NRXN3: variants seen among roughly 807,000 people sequenced by gnomAD.
The protein encoded by NRXN3 is neurexin III.
Under a neutral mutation model 137.6 loss-of-function variants are expected in NRXN3, and 32 were observed. The ratio of observed to expected loss-of-function variants is 0.23; its 90% CI spans 0.18 to 0.31. The LOEUF (loss-of-function observed/expected upper bound fraction) is 0.31. NRXN3 is among the 10% of genes least tolerant of loss of function. The pLI is 1.00. For missense variants in NRXN3, 1,574 were observed against 2,062.5 expected, an observed-to-expected ratio of 0.76 and a Z score of 4.59; for synonymous variants, 798 against 784.5, an observed-to-expected ratio of 1.02 and a Z score of -0.29.
At chr14:79,818,106 T>G (rs1330471739) in intron 20 of NRXN3, among the ~76,000 whole-genome samples, 1 of 133,470 alleles carries the variant, frequency 7.5e-6, no homozygotes, top group East Asian at 2.4e-4. Flanking sequence ...CAGGCTGGAG[T>G]GCAGTGGCGC....
At chr14:78,948,395 G>C (rs1006971145) in intron 10 of NRXN3, among the ~76,000 whole-genome samples, 1 of 152,082 alleles carries the variant, frequency 6.6e-6, no homozygotes, top group Non-Finnish European at 1.5e-5. Context: ...GCTCTTTCTT[G>C]CAGGCAGGGC....
chr14:79,098,459 T>C (rs1381009136), intron 15 of NRXN3, among the ~76,000 whole-genome samples: 2 of 152,186 alleles, frequency 1.3e-5, no homozygotes. Context: ...CATTGGGTAG[T>C]TTCCCAGGAA....
At chr14:79,850,061 C>CA (rs2099388527) in intron 20 of NRXN3, among the ~76,000 whole-genome samples, 1 of 152,178 alleles carries the variant, frequency 6.6e-6, no homozygotes, top group Admixed American at 6.5e-5. Context: ...CCCACAGACA[C>CA]AAAAATCAAA....
In NRXN3 at chr14:78,357,918, C is replaced by T. The variant is rs79136431; in HGVS notation, c.757+60058C>T. Among the ~76,000 whole-genome samples, 1,245 of 152,222 alleles carry T rather than the reference C, an allele frequency of 8.2e-3. 40 individuals are homozygous for T. The East Asian group carries it at 0.084, about 10-fold the overall frequency. On this transcript the variant is annotated intron_variant, in intron 4 of 20. Transcript: ENST00000335750. ...TTGAGTGTGTATGATATGACAGCAT[C>T]CTACATCATCTTCTTCAGTCTTAGA...
chr14:79,598,312 C>A (rs1264383773), intron 16 of NRXN3, among the ~76,000 whole-genome samples: 1 of 152,126 alleles, frequency 6.6e-6, no homozygotes, highest in African/African-American at 2.4e-5. Context: ...TCATGGTTAT[C>A]AGTTTGCTAC....
chr14:78,988,952 T>C (rs932451287), intron 15 of NRXN3, among the ~76,000 whole-genome samples: 2 of 152,210 alleles, frequency 1.3e-5, no homozygotes, highest in African/African-American at 4.8e-5. Flanking sequence ...CTTCTAGCAC[T>C]GATGGTGGAG....
At chr14:78,852,173 T>C (rs1257560392) in intron 10 of NRXN3, among the ~76,000 whole-genome samples, 1 of 152,152 alleles carries the variant, frequency 6.6e-6, no homozygotes, top group Admixed American at 6.6e-5. Context: ...CACTTCCTTC[T>C]AGTTGATGTT....
At chr14:79,380,495 A>G (rs1357211756) in intron 15 of NRXN3, among the ~76,000 whole-genome samples, 3 of 151,666 alleles carry the variant, frequency 2.0e-5, no homozygotes, top group Non-Finnish European at 4.4e-5. Context: ...ATGATTTCCA[A>G]TTTCATCCAT....
chr14:79,736,441 G>A (rs188634434), intron 19 of NRXN3, among the ~76,000 whole-genome samples: 2 of 152,250 alleles, frequency 1.3e-5, no homozygotes, highest in East Asian at 3.9e-4. Context: ...GCTTGAAGAT[G>A]GTTTAAGCCT....
At chr14:79,028,093 G>A (rs12147527) in intron 15 of NRXN3, among the ~76,000 whole-genome samples, 86,146 of 152,022 alleles carry the variant, frequency 0.57, 25,728 homozygotes, top group East Asian at 0.81. Flanking sequence ...ACTGTAACAT[G>A]TACGAAGGAT....
chr14:78,572,393 C>A (rs1241910953), intron 4 of NRXN3, among the ~76,000 whole-genome samples: 1 of 152,158 alleles, frequency 6.6e-6, no homozygotes, highest in Non-Finnish European at 1.5e-5. Flanking sequence ...AGCCTGGCCA[C>A]CTTCAGTGTG....
At chr14:78,504,549 G>T (rs1387116345) in intron 4 of NRXN3, among the ~76,000 whole-genome samples, 1 of 152,120 alleles carries the variant, frequency 6.6e-6, no homozygotes, top group Admixed American at 6.6e-5. Context: ...GTATGGGGAA[G>T]GGGCCTCAGG....
chr14:79,189,172 T>C (rs2063910931), intron 15 of NRXN3, among the ~76,000 whole-genome samples: 2 of 151,426 alleles, frequency 1.3e-5, no homozygotes, highest in African/African-American at 4.9e-5. Flanking sequence ...ATTAAGAAAA[T>C]GTGGCACATA....
At chr14:79,830,681 A>G (rs1237572321) in intron 20 of NRXN3, among the ~76,000 whole-genome samples, 2 of 152,222 alleles carry the variant, frequency 1.3e-5, no homozygotes, top group East Asian at 1.9e-4. Flanking sequence ...GCAACTGAGG[A>G]AAACGTGTTC....
intron 4 of NRXN3, among the ~76,000 whole-genome samples, chr14:78,413,535 G>T (rs1403422526): frequency 6.6e-6 from 1 of 152,154 alleles, no homozygotes; most frequent in Admixed American, 6.5e-5. Context: ...TCCGGCCGAG[G>T]CCTCCCAAAT....
At chr14:78,649,226 T>G (rs1209538460) in intron 5 of NRXN3, 1 of 1,323,848 alleles carries the variant, frequency 7.6e-7, no homozygotes, top group Non-Finnish European at 1.0e-6. Context: ...AATCGTTCTG[T>G]TCACAATTTT....
At chr14:79,486,793 A>C (rs558394857) in intron 16 of NRXN3, among the ~76,000 whole-genome samples, 1 of 152,170 alleles carries the variant, frequency 6.6e-6, no homozygotes, top group Non-Finnish European at 1.5e-5. Flanking sequence ...GAGGTCCTGA[A>C]TGAATGATGA....
intron 1 of NRXN3, among the ~76,000 whole-genome samples, chr14:78,200,888 T>C (rs918809703): frequency 1.3e-5 from 2 of 152,066 alleles, no homozygotes; most frequent in African/African-American, 4.8e-5. Context: ...TGGTGTGATA[T>C]AATTTTCTGG....
chr14:79,474,671 A>G (rs2096543955), intron 16 of NRXN3, among the ~76,000 whole-genome samples: 1 of 152,072 alleles, frequency 6.6e-6, no homozygotes, highest in Admixed American at 6.6e-5. Flanking sequence ...TTGCGCTTCT[A>G]TTCTCTTTAG....
Sources: gnomAD v4.1 joint callset for allele counts (sites outside exome capture counted in the v4.1 genomes callset) on GRCh38, gnomAD v4.1.1 for gene constraint, MANE v1.5 for transcripts, NCBI Gene and HGNC (gene_info 2026-07-23, HGNC 2026-07-21) for gene names.